The following CPXM2 variants were observed in gnomAD, a reference collection of about 807,000 sequenced individuals.
CPXM2 encodes the protein carboxypeptidase X, M14 family member 2, also known as inactive carboxypeptidase-like protein X2.
Under a neutral mutation model 86.1 loss-of-function variants are expected in CPXM2, and 66 were observed. That is an observed-to-expected ratio of 0.77 (90% CI 0.63 to 0.94). The LOEUF (loss-of-function observed/expected upper bound fraction) is 0.94. CPXM2 is among the 40% of genes least tolerant of loss of function. The pLI is 0.00. For missense variants in CPXM2, 948 were observed against 1,026.3 expected (o/e 0.92, Z 1.04); for synonymous variants, 388 against 400.2 (o/e 0.97, Z 0.36).
At chr10:123,761,064 C>T (rs1846324051) in intron 11 of CPXM2, among the ~76,000 whole-genome samples, 1 of 152,212 alleles carries the variant, frequency 6.6e-6, no homozygotes, top group Non-Finnish European at 1.5e-5. Flanking sequence ...GCTTAGGGAA[C>T]AGCCCTGAGA....
chr10:123,856,385 T>C (rs558878024), intron 3 of CPXM2, among the ~76,000 whole-genome samples: 1 of 152,264 alleles, frequency 6.6e-6, no homozygotes, highest in African/African-American at 2.4e-5. Flanking sequence ...AGTGGTGCAA[T>C]AAATCACTTC....
intron 4 of CPXM2, among the ~76,000 whole-genome samples, chr10:123,839,213 A>G (rs1197038560): frequency 4.6e-5 from 7 of 152,130 alleles, no homozygotes; most frequent in African/African-American, 1.7e-4. Flanking sequence ...ATTTTTAGAG[A>G]ACAGGAAACT....
At chr10:123,781,944 C>T (rs1846944515) in intron 6 of CPXM2, among the ~76,000 whole-genome samples, 1 of 152,234 alleles carries the variant, frequency 6.6e-6, no homozygotes. Flanking sequence ...GAACAGCCCA[C>T]TTGCAACAAG....
chr10:123,814,748 G>A (rs771089442), intron 4 of CPXM2, among the ~76,000 whole-genome samples: 5 of 152,130 alleles, frequency 3.3e-5, no homozygotes, highest in Non-Finnish European at 7.3e-5. Context: ...AAATTTCCAG[G>A]TGCAGTGGTT....
At chr10:123,920,537 G>A (rs965876908) in intron 2 of CPXM2, among the ~76,000 whole-genome samples, 1 of 152,144 alleles carries the variant, frequency 6.6e-6, no homozygotes, top group Non-Finnish European at 1.5e-5. Flanking sequence ...GAAAAAGCTA[G>A]GTAGAAGTAA....
chr10:123,848,969 AAGTATGATTCCCTTTATGTTT>A (rs1348490924), intron 3 of CPXM2, among the ~76,000 whole-genome samples: 2 of 152,224 alleles, frequency 1.3e-5, no homozygotes, highest in African/African-American at 4.8e-5. Context: ...CTGGGGGTAC[AAGTATGATTCCCTTTATGTTT>A]AGTATGTGCC....
chr10:123,837,092 G>A (rs906552052), intron 4 of CPXM2, among the ~76,000 whole-genome samples: 2 of 152,240 alleles, frequency 1.3e-5, no homozygotes, highest in African/African-American at 2.4e-5. Context: ...TCCTTCTGAC[G>A]TTGGCATCTT....
At chr10:123,868,535 A>G (rs1404468097) in intron 2 of CPXM2, among the ~76,000 whole-genome samples, 1 of 152,196 alleles carries the variant, frequency 6.6e-6, no homozygotes, top group Non-Finnish European at 1.5e-5. Flanking sequence ...TGATCATCAG[A>G]GTACACAAGA....
chr10:123,914,144 C>G (rs1459444065), intron 2 of CPXM2: 3 of 453,564 alleles, frequency 6.6e-6, no homozygotes, highest in Non-Finnish European at 1.3e-5. Flanking sequence ...ATGAGCATGG[C>G]CAAGTTGAAG....
intron 13 of CPXM2, chr10:123,751,227 G>A (rs1463776845): frequency 4.5e-6 from 1 of 224,016 alleles, no homozygotes; most frequent in Non-Finnish European, 7.5e-6. Context: ...TATTTATTTA[G>A]TACAGATTTA....
Position 123,887,589 on chromosome 10 carries a change from G to A in CPXM2, c.304+3767C>T, listed in dbSNP as rs552856774. On this transcript the variant is annotated intron_variant, in intron 1 of 13. Coordinates refer to ENST00000241305, the MANE Select transcript of CPXM2 (RefSeq NM_198148.3). Reference sequence around the variant, plus strand: ...GCAATGTCTGGAGACATTTTTGGTTGTGACAACAGGGGGGAGGGTGCTACT... The same window carrying A: ...GCAATGTCTGGAGACATTTTTGGTTATGACAACAGGGGGGAGGGTGCTACT... Among the ~76,000 whole-genome samples the A allele has an allele frequency of 5.9e-5, 9 of 152,290 alleles. No individual in the cohort carries two copies. The South Asian group carries it at 1.9e-3, about 32-fold the overall frequency.
At chr10:123,866,564 CA>C (rs34989736) in intron 2 of CPXM2, among the ~76,000 whole-genome samples, 100,562 of 143,440 alleles carry the variant, frequency 0.7, 35,960 homozygotes, top group African/African-American at 0.87. Context: ...GACACTGTCT[CA>C]AAAAAAAAAA....
intron 4 of CPXM2, among the ~76,000 whole-genome samples, chr10:123,832,643 A>G (rs1564789565): frequency 1.3e-5 from 2 of 152,070 alleles, no homozygotes; most frequent in African/African-American, 4.8e-5. Flanking sequence ...TCTGACCAAC[A>G]TGGCGAAACC....
chr10:123,830,819 T>A (rs959849767), intron 4 of CPXM2, among the ~76,000 whole-genome samples: 1 of 151,694 alleles, frequency 6.6e-6, no homozygotes, highest in Admixed American at 6.6e-5. Flanking sequence ...TAAGCATGGG[T>A]GCACACAACA....
At chr10:123,788,830 G>A (rs1051112311) in intron 6 of CPXM2, among the ~76,000 whole-genome samples, 12 of 147,896 alleles carry the variant, frequency 8.1e-5, no homozygotes, top group Admixed American at 4.8e-4. Flanking sequence ...TCGCCAAAGC[G>A]TACACTTTAA....
intron 7 of CPXM2, among the ~76,000 whole-genome samples, chr10:123,771,553 A>G (rs1479555203): frequency 6.6e-6 from 1 of 152,164 alleles, no homozygotes; most frequent in Non-Finnish European, 1.5e-5. Flanking sequence ...TCTGCCAGTA[A>G]CTTGATCTTG....
At chr10:123,910,938 G>A (rs1945482774) in intron 2 of CPXM2, among the ~76,000 whole-genome samples, 3 of 152,104 alleles carry the variant, frequency 2.0e-5, no homozygotes, top group Non-Finnish European at 4.4e-5. Flanking sequence ...CCTCCATGGG[G>A]CCATCGTGCT....
At chr10:123,813,839 T>C (rs538536046) in intron 4 of CPXM2, among the ~76,000 whole-genome samples, 1 of 152,362 alleles carries the variant, frequency 6.6e-6, no homozygotes, top group East Asian at 1.9e-4. Context: ...TTTTGTGTGC[T>C]TAGCTCTATT....
At position 123,862,602 on chromosome 10, in the gene CPXM2, A is replaced by G. The variant is rs751372371; in HGVS notation, c.513+12T>C. 4 of 1,611,578 alleles carry G rather than the reference A, an allele frequency of 2.5e-6. No homozygotes were observed. The highest frequency in any genetic ancestry group is 3.4e-6 in the Non-Finnish European group (4 of 1,177,632). On this transcript the variant is annotated intron_variant, in intron 3 of 13. Coordinates refer to ENST00000241305, the MANE Select transcript of CPXM2 (RefSeq NM_198148.3). ...AGGCAGTCAAAATCCTTCCAACCAC[A>G]GGGCCAGGTACCTGGATGTTGAGTC...
Sources: gnomAD v4.1 joint callset for allele counts (sites outside exome capture counted in the v4.1 genomes callset) on GRCh38, gnomAD v4.1.1 for gene constraint, MANE v1.5 for transcripts, NCBI Gene and HGNC (gene_info 2026-07-23, HGNC 2026-07-21) for gene names.